The following ABCG2 variants were observed in gnomAD, a reference collection of about 807,000 sequenced individuals.
The protein encoded by ABCG2 is ATP binding cassette subfamily G member 2 (JR blood group), also known as broad substrate specificity ATP-binding cassette transporter ABCG2.
Under a neutral mutation model 73.5 loss-of-function variants are expected in ABCG2, and 80 were observed. The observed-to-expected ratio is 1.09, with a 90% confidence interval of 0.91 to 1.31. ABCG2 has a LOEUF of 1.31. Among genes scored for constraint, ABCG2 ranks in the 50% most tolerant of loss-of-function variants. The probability of loss-of-function intolerance (pLI) is 0.00; values close to 1 mark genes in which losing one functional copy is unlikely to be tolerated. For missense variants in ABCG2, 796 were observed against 786.2 expected (o/e 1.01, Z -0.15); for synonymous variants, 269 against 282.4 (o/e 0.95, Z 0.48).
In ABCG2 at chr4:88,103,661, G is replaced by C. The variant is rs568368784; in HGVS notation, c.1278-2342C>G. On this transcript the variant is annotated intron_variant, in intron 10 of 15. Transcript: ENST00000237612. Reference sequence around the variant, plus strand: ...CCACATTGTGCAATGTATCTCCAAAGAAAAATCCTTATTCCTCCTGTGTAA... The same window carrying C: ...CCACATTGTGCAATGTATCTCCAAACAAAAATCCTTATTCCTCCTGTGTAA... Among the ~76,000 whole-genome samples, 197 of 152,240 alleles carry C rather than the reference G, an allele frequency of 1.3e-3. 1 individual carries two copies. The highest frequency in any genetic ancestry group is 4.5e-3 in the African/African-American group (186 of 41,536).
At chr4:88,099,255 A>G in intron 12 of ABCG2, 69 bp downstream of exon 12, 1 of 1,396,912 alleles carries the variant, frequency 7.2e-7, no homozygotes, top group Non-Finnish European at 9.4e-7. Context: ...ATATGCTTGC[A>G]AGGTGCAACT....
chr4:88,105,184 C>T (rs868761467), intron 10 of ABCG2, among the ~76,000 whole-genome samples: 6 of 152,224 alleles, frequency 3.9e-5, no homozygotes. Context: ...GTAACACTAT[C>T]TGATTCCATA....
intron 6 of ABCG2, among the ~76,000 whole-genome samples, chr4:88,119,975 C>T (rs1361025034): frequency 2.6e-5 from 4 of 152,126 alleles, no homozygotes; most frequent in African/African-American, 7.2e-5. Flanking sequence ...AAAATGTCTC[C>T]AGGGAATGTC....
chr4:88,192,000 G>A (rs1313918879), intron 1 of ABCG2, among the ~76,000 whole-genome samples: 6 of 151,890 alleles, frequency 4.0e-5, no homozygotes, highest in African/African-American at 9.7e-5. Context: ...GCAAAATCCC[G>A]TCTCTATTAA....
chr4:88,124,399 G>A (rs909378587), intron 5 of ABCG2, among the ~76,000 whole-genome samples: 1 of 152,184 alleles, frequency 6.6e-6, no homozygotes, highest in Non-Finnish European at 1.5e-5. Context: ...ACCCATCGGT[G>A]TGCTGTATTC....
At chr4:88,120,926 A>C (rs1223674715) in intron 6 of ABCG2, among the ~76,000 whole-genome samples, 1 of 152,212 alleles carries the variant, frequency 6.6e-6, no homozygotes, top group Non-Finnish European at 1.5e-5. Context: ...CTTGAATTGT[A>C]ATAACATTTG....
At chr4:88,208,332 G>A (rs11723264) in intron 1 of ABCG2, among the ~76,000 whole-genome samples, 97,695 of 152,028 alleles carry the variant, frequency 0.64, 33,897 homozygotes, top group East Asian at 1. Context: ...AGGGAGAGTC[G>A]GAGAAATCCA....
upstream of ABCG2, among the ~76,000 whole-genome samples, chr4:88,231,615 AC>A (rs1338783395): frequency 2.0e-5 from 3 of 152,014 alleles, no homozygotes; most frequent in Non-Finnish European, 4.4e-5. Flanking sequence ...TGCTTTTTTA[AC>A]CCTGATGTAA....
At chr4:88,120,233 G>A (rs534045830) in intron 6 of ABCG2, among the ~76,000 whole-genome samples, 33 of 152,320 alleles carry the variant, frequency 2.2e-4, no homozygotes, top group African/African-American at 7.5e-4. Context: ...TCAACTTTAG[G>A]GGTGGAGCCC....
At chr4:88,192,105 C>T (rs1031291276) in intron 1 of ABCG2, among the ~76,000 whole-genome samples, 4 of 151,284 alleles carry the variant, frequency 2.6e-5, no homozygotes, top group South Asian at 2.1e-4. Flanking sequence ...CACTTGAACT[C>T]GGGAGGTGGA....
intron 1 of ABCG2, among the ~76,000 whole-genome samples, chr4:88,176,562 C>A (rs1039995141): frequency 2.7e-5 from 4 of 149,184 alleles, no homozygotes; most frequent in South Asian, 2.1e-4. Flanking sequence ...CACACTACAG[C>A]CCCAACCTCC....
intron 13 of ABCG2, 55 bp downstream of exon 13, chr4:88,097,398 A>G: frequency 6.3e-7 from 1 of 1,590,874 alleles, no homozygotes; most frequent in East Asian, 2.2e-5. Flanking sequence ...AATGTGCAGG[A>G]AGAAATGAAG....
chr4:88,177,623 A>G lies in ABCG2; in HGVS notation c.-19-37609T>C, dbSNP rs556097992. Among the ~76,000 whole-genome samples the G allele has an allele frequency of 5.3e-5, 8 of 152,258 alleles. No homozygotes were observed. The East Asian group carries it at 1.4e-3, about 26-fold the overall frequency. Reference sequence around the variant, plus strand: ...ACAAGCACCAAAAATCAGATGAACGATCATAGTATGGGTTTTAACTTCATA... The same window carrying G: ...ACAAGCACCAAAAATCAGATGAACGGTCATAGTATGGGTTTTAACTTCATA... On this transcript the variant is annotated intron_variant, in intron 1 of 15. Transcript: ENST00000515655.
chr4:88,137,176 G>A (rs750016751), intron 2 of ABCG2, among the ~76,000 whole-genome samples: 21 of 152,046 alleles, frequency 1.4e-4, no homozygotes, highest in Non-Finnish European at 2.6e-4. Flanking sequence ...ATAATAATGC[G>A]TTAATTGAAT....
upstream of ABCG2, among the ~76,000 whole-genome samples, chr4:88,161,375 A>C (rs1400691899): frequency 1.4e-5 from 1 of 73,946 alleles, no homozygotes; most frequent in Non-Finnish European, 2.7e-5. Flanking sequence ...CCTGTGTCCA[A>C]GTGATCTCAT....
upstream of ABCG2, among the ~76,000 whole-genome samples, chr4:88,159,816 T>A (rs913243139): frequency 3.9e-5 from 6 of 152,258 alleles, no homozygotes; most frequent in African/African-American, 1.4e-4. Context: ...GCATGCTTTT[T>A]AAAAGAATTT....
intron 1 of ABCG2, among the ~76,000 whole-genome samples, chr4:88,193,295 T>C (rs1728778421): frequency 6.6e-6 from 1 of 152,230 alleles, no homozygotes; most frequent in African/African-American, 2.4e-5. Flanking sequence ...CCTAAAATCA[T>C]TTCTGACTGC....
chr4:88,124,002 C>A (rs967949784), intron 5 of ABCG2, among the ~76,000 whole-genome samples: 6 of 152,136 alleles, frequency 3.9e-5, no homozygotes, highest in South Asian at 2.1e-4. Flanking sequence ...GAGTGGGGAC[C>A]AATATTCAAA....
intron 7 of ABCG2, among the ~76,000 whole-genome samples, chr4:88,115,460 T>C (rs1723506311): frequency 6.7e-6 from 1 of 149,368 alleles, no homozygotes; most frequent in Non-Finnish European, 1.5e-5. Flanking sequence ...ATTTTTGTAT[T>C]TTCAGTAGAG....
Sources: allele counts gnomAD v4.1 joint callset (sites outside exome capture counted in the v4.1 genomes callset), GRCh38; gene constraint gnomAD v4.1.1; transcripts MANE v1.5; gene names NCBI Gene and HGNC (gene_info 2026-07-23, HGNC 2026-07-21).